Variants in EFL1 observed in about 807,000 individuals in gnomAD.
EFL1 encodes the protein elongation factor-like GTPase 1.
In EFL1, 76 loss-of-function variants were observed where a neutral mutation model predicts 126.7. That is an observed-to-expected ratio of 0.60 (90% CI 0.50 to 0.73). EFL1 has a LOEUF of 0.73. EFL1 is among the 30% of genes least tolerant of loss of function. The pLI, the probability that EFL1 is intolerant of heterozygous loss-of-function variation, is 0.00. For missense variants in EFL1, 1,128 were observed against 1,343.2 expected (o/e 0.84, Z 2.50); for synonymous variants, 410 against 448.4 (o/e 0.91, Z 1.08).
In EFL1 at chr15:82,151,832, T is replaced by C. The variant is rs371980462; in HGVS notation, c.2622A>G (p.Gln874=). 20 of 1,614,028 alleles carry C rather than the reference T, an allele frequency of 1.2e-5. No homozygotes were observed. The highest frequency in any genetic ancestry group is 1.5e-5 in the Non-Finnish European group (18 of 1,180,032). Residue 874 remains glutamine (Q), a synonymous_variant, in exon 18 of 20, where the codon CAA becomes CAG. Coordinates refer to ENST00000268206, the MANE Select transcript of EFL1 (RefSeq NM_024580.6). The stretch of plus-strand genomic sequence containing the variant: ...ACATGGGGCCAGAGAGGGTTGCTAG[T>C]TGGAAGCCACTCACAATGCTATTGC... The part of the protein sequence containing the change: ...DLGNSIVSGF[Q]LATLSGPMCE...
intron 18 of EFL1, among the ~76,000 whole-genome samples, chr15:82,147,985 A>G (rs563274747): frequency 1.8e-4 from 27 of 152,228 alleles, no homozygotes; most frequent in Non-Finnish European, 3.7e-4. Flanking sequence ...TACTGGTTGA[A>G]TATCTCTTCT....
intron 17 of EFL1, among the ~76,000 whole-genome samples, chr15:82,155,385 C>T (rs998797553): frequency 6.6e-6 from 1 of 152,038 alleles, no homozygotes; most frequent in Non-Finnish European, 1.5e-5. Context: ...ACCTGTAGTC[C>T]CAGCTACTCA....
At chr15:82,199,132 T>C (rs965319948) in intron 15 of EFL1, among the ~76,000 whole-genome samples, 2 of 152,140 alleles carry the variant, frequency 1.3e-5, no homozygotes, top group African/African-American at 4.8e-5. Context: ...CTCTCTCACA[T>C]CCTTCCACCT....
intron 7 of EFL1, among the ~76,000 whole-genome samples, chr15:82,236,642 C>T (rs1037759075): frequency 3.3e-5 from 5 of 152,274 alleles, no homozygotes; most frequent in African/African-American, 1.2e-4. Context: ...AAAAGAAAAC[C>T]TTAACCCAAG....
intron 12 of EFL1, among the ~76,000 whole-genome samples, chr15:82,222,617 G>A (rs2141305844): frequency 6.6e-6 from 1 of 152,274 alleles, no homozygotes; most frequent in East Asian, 1.9e-4. Flanking sequence ...CAACTACTGT[G>A]TGCCACACAC....
At chr15:82,241,089 G>A (rs1005509628) in intron 5 of EFL1, among the ~76,000 whole-genome samples, 181 bp downstream of exon 5, 1 of 152,128 alleles carries the variant, frequency 6.6e-6, no homozygotes, top group African/African-American at 2.4e-5. Context: ...TTAAATTAAA[G>A]TCATCATCTC....
At chr15:82,218,379 G>A (rs2074673384) in intron 14 of EFL1, among the ~76,000 whole-genome samples, 2 of 152,056 alleles carry the variant, frequency 1.3e-5, no homozygotes, top group Non-Finnish European at 2.9e-5. Flanking sequence ...CATTTGAGCT[G>A]TCAATGTATT....
At chr15:82,160,352 T>C (rs1371666431) in intron 16 of EFL1, among the ~76,000 whole-genome samples, 1 of 152,176 alleles carries the variant, frequency 6.6e-6, no homozygotes, top group Admixed American at 6.5e-5. Context: ...GACACGATGC[T>C]GAACGCTTCC....
chr15:82,228,410 T>C (rs1170914021), intron 9 of EFL1, 83 bp from the exon 10 acceptor site: 1 of 1,483,792 alleles, frequency 6.7e-7, no homozygotes, highest in Admixed American at 2.4e-5. Flanking sequence ...TTTGGCATAT[T>C]TTTACCCTAA....
chr15:82,246,748 G>A (rs1448841283), intron 4 of EFL1, among the ~76,000 whole-genome samples: 1 of 152,024 alleles, frequency 6.6e-6, no homozygotes, highest in African/African-American at 2.4e-5. Flanking sequence ...GAGATACAGT[G>A]GCAAGCAGGT....
At chr15:82,166,015 A>T (rs2074076066) in intron 15 of EFL1, among the ~76,000 whole-genome samples, 1 of 152,134 alleles carries the variant, frequency 6.6e-6, no homozygotes, top group South Asian at 2.1e-4. Context: ...TGGTACTATG[A>T]TGTAACAGAT....
At chr15:82,159,045 A>G (rs2073995742) in intron 16 of EFL1, among the ~76,000 whole-genome samples, 1 of 152,230 alleles carries the variant, frequency 6.6e-6, no homozygotes, top group South Asian at 2.1e-4. Context: ...GGTGATCAAA[A>G]GCCACATATG....
intron 15 of EFL1, among the ~76,000 whole-genome samples, chr15:82,191,991 C>T (rs978380549): frequency 7.9e-5 from 12 of 151,948 alleles, no homozygotes; most frequent in South Asian, 6.2e-4. Flanking sequence ...TATTATATCT[C>T]GTCTATCAAA....
intron 3 of EFL1, among the ~76,000 whole-genome samples, chr15:82,256,912 AT>A (rs1183401329): frequency 6.6e-6 from 1 of 152,226 alleles, no homozygotes; most frequent in Admixed American, 6.5e-5. Context: ...AGGTTGGTAT[AT>A]AATTCTCCTA....
intron 18 of EFL1, among the ~76,000 whole-genome samples, chr15:82,142,317 C>T (rs1056204848): frequency 1.3e-5 from 2 of 152,046 alleles, no homozygotes; most frequent in Non-Finnish European, 2.9e-5. Flanking sequence ...AAAACAAGAC[C>T]CTGTCTCTAA....
At chr15:82,186,101 T>C (rs1395684537) in intron 15 of EFL1, among the ~76,000 whole-genome samples, 2 of 152,196 alleles carry the variant, frequency 1.3e-5, no homozygotes, top group Non-Finnish European at 2.9e-5. Context: ...CTTGTCATTC[T>C]TTCTCTGATT....
intron 18 of EFL1, among the ~76,000 whole-genome samples, chr15:82,142,151 T>C (rs534384237): frequency 6.6e-5 from 10 of 152,330 alleles, no homozygotes; most frequent in Non-Finnish European, 1.5e-4. Context: ...AATACTTTCA[T>C]ACCCTTTCCA....
intron 15 of EFL1, among the ~76,000 whole-genome samples, chr15:82,204,419 CT>C (rs1471488024): frequency 4.6e-5 from 7 of 152,146 alleles, no homozygotes; most frequent in South Asian, 4.1e-4. Flanking sequence ...CAATTTACCC[CT>C]GTCTTACAAC....
intron 15 of EFL1, among the ~76,000 whole-genome samples, chr15:82,192,261 G>A (rs1036938053): frequency 3.3e-5 from 5 of 152,032 alleles, no homozygotes; most frequent in African/African-American, 1.2e-4. Flanking sequence ...TTAGCCAGAT[G>A]TGGTGATGGG....
Sources: allele counts gnomAD v4.1 joint callset (sites outside exome capture counted in the v4.1 genomes callset), GRCh38; gene constraint gnomAD v4.1.1; transcripts MANE v1.5; gene names NCBI Gene and HGNC (gene_info 2026-07-23, HGNC 2026-07-21).